Variants in ARHGAP29 observed in about 807,000 individuals in gnomAD.
ARHGAP29 encodes Rho GTPase activating protein 29, also known as rho GTPase-activating protein 29.
In ARHGAP29, 43 loss-of-function variants were observed where a neutral mutation model predicts 122.6. The observed-to-expected ratio is 0.35, with a 90% confidence interval of 0.27 to 0.45. The LOEUF is 0.45. Among genes scored for constraint, ARHGAP29 ranks in the 20% least tolerant of loss-of-function variants. The pLI, the probability that ARHGAP29 is intolerant of heterozygous loss-of-function variation, is 1.00. For synonymous variants in ARHGAP29, 506 were observed against 497.1 expected, an observed-to-expected ratio of 1.02 and a Z score of -0.24; for missense variants, 1,303 against 1,477.2, an observed-to-expected ratio of 0.88 and a Z score of 1.93.
intron 6 of ARHGAP29, 84 bp from the exon 7 acceptor site, chr1:94,205,282 T>C: frequency 1.8e-6 from 2 of 1,108,468 alleles, no homozygotes; most frequent in Non-Finnish European, 1.2e-6. Flanking sequence ...GATCCTAAGA[T>C]ACTAGTCAAT....
At chr1:94,259,776 T>C (rs1051231740) in intron 1 of ARHGAP29, among the ~76,000 whole-genome samples, 5 of 152,174 alleles carry the variant, frequency 3.3e-5, no homozygotes, top group Admixed American at 2.6e-4. Context: ...TTGTGGTAGT[T>C]TGTTAAAGCA....
Position 94,188,865 on chromosome 1 carries a change from T to G in ARHGAP29, c.1653A>C (p.Arg551Ser). The G allele has an allele frequency of 8.1e-6, 13 of 1,613,066 alleles. No homozygotes were observed. The highest frequency in any genetic ancestry group is 1.1e-5 in the Non-Finnish European group (13 of 1,179,248). ...SESTGGSSES[R>S]SLDSESISPG... is the part of the protein sequence containing the mutation. ...GACTTATAGATTCTGAATCCAGAGA[T>G]CTAGATTCGCTGCTCCCTCCAGTGC... The change falls in exon 15 of 23, where the codon AGA (arginine) becomes AGC (serine). Residue 551 changes from arginine to serine, a missense_variant. This residue lies in a region of ARHGAP29 where 592 missense variants were observed against 648.2 expected (regional missense o/e 0.91). Coordinates refer to ENST00000260526, the MANE Select transcript of ARHGAP29 (RefSeq NM_004815.4).
At chr1:94,291,439 T>C in the ARHGAP29 span, among the ~76,000 whole-genome samples, 1 of 152,264 alleles carries the variant, frequency 6.6e-6, no homozygotes, top group African/African-American at 2.4e-5. Flanking sequence ...TTGGGGCATT[T>C]AGCCCATTTA....
At chr1:94,184,723 C>T in intron 18 of ARHGAP29, 149 bp downstream of exon 18, 1 of 653,214 alleles carries the variant, frequency 1.5e-6, no homozygotes, top group Non-Finnish European at 2.4e-6. Context: ...CACTGTACTC[C>T]AGCCTGGGCA....
the ARHGAP29 span, among the ~76,000 whole-genome samples, chr1:94,299,429 G>C: frequency 6.6e-6 from 1 of 152,148 alleles, no homozygotes; most frequent in Non-Finnish European, 1.5e-5. Context: ...TTATGTGAGT[G>C]GCACAGAAAT....
intron 1 of ARHGAP29, among the ~76,000 whole-genome samples, chr1:94,263,395 T>TAAAA (rs35165466): frequency 2.0e-5 from 3 of 148,400 alleles, no homozygotes. Context: ...ACTTAAAAGT[T>TAAAA]AAAAAAAAAA....
At chr1:94,312,053 C>T in the ARHGAP29 span, among the ~76,000 whole-genome samples, 12 of 152,220 alleles carry the variant, frequency 7.9e-5, no homozygotes, top group African/African-American at 2.9e-4. Context: ...ACAAACAACA[C>T]CTTTCTCCTA....
chr1:94,237,591 G>C (rs1269943159), upstream of ARHGAP29: 4 of 989,118 alleles, frequency 4.0e-6, no homozygotes, highest in Middle Eastern at 5.1e-4. Context: ...CACTGCAGCC[G>C]CCACCGCCCC....
Position 94,172,662 on chromosome 1 carries a change from A to T in ARHGAP29, c.*1207T>A, listed in dbSNP as rs1448350637. 6.6e-6 allele frequency: 1 copy of T among 151,788 alleles called. No homozygotes were observed. Among genetic ancestry groups the T allele is most frequent in the African/African-American group, 2.4e-5 (1 of 41,338 alleles). The allele number at this position is 151,788 out of a possible 1,614,324, so 9.4% of individuals were successfully genotyped here. A position where few individuals can be genotyped will look rare whatever the true frequency, so the allele number is the denominator to read the frequency against. Reference sequence around the variant, plus strand: ...AAGTATAACACAGTCATACAAAAACATTTAGTAGAAATATAATTCACACAT... The same window carrying T: ...AAGTATAACACAGTCATACAAAAACTTTTAGTAGAAATATAATTCACACAT... On this transcript the variant is annotated 3_prime_UTR_variant, in exon 23 of 23. Transcript: ENST00000260526.
At chr1:94,232,475 TA>T (rs1652979007) in intron 1 of ARHGAP29, among the ~76,000 whole-genome samples, 1 of 152,194 alleles carries the variant, frequency 6.6e-6, no homozygotes, top group South Asian at 2.1e-4. Context: ...ACTGGTTAAA[TA>T]AACACGTGTG....
At chr1:94,189,013 C>T in intron 14 of ARHGAP29, 72 bp from the exon 15 acceptor site, 1 of 1,450,956 alleles carries the variant, frequency 6.9e-7, no homozygotes, top group Non-Finnish European at 9.5e-7. Context: ...GACATTCTAT[C>T]AAGTGAGACA....
upstream of ARHGAP29, among the ~76,000 whole-genome samples, chr1:94,278,388 T>C (rs1655255902): frequency 1.3e-5 from 2 of 152,350 alleles, no homozygotes; most frequent in African/African-American, 4.8e-5. Flanking sequence ...TATTTCTGCA[T>C]ACTGATAACA....
chr1:94,242,364 A>AT (rs536435104), upstream of ARHGAP29, among the ~76,000 whole-genome samples: 1 of 152,120 alleles, frequency 6.6e-6, no homozygotes, highest in Non-Finnish European at 1.5e-5. Context: ...ACATTTTATA[A>AT]TTTTTTTAAA....
At chr1:94,291,169 G>A in the ARHGAP29 span, among the ~76,000 whole-genome samples, 4 of 152,190 alleles carry the variant, frequency 2.6e-5, no homozygotes, top group Admixed American at 6.5e-5. Flanking sequence ...TTACCATTAT[G>A]TAATGGCCTT....
At position 94,215,807 on chromosome 1, in the gene ARHGAP29, TAATC is replaced by T. The variant is rs1651925420; in HGVS notation, c.340+4447_340+4450del. Among the ~76,000 whole-genome samples the T allele has an allele frequency of 4.6e-5, 7 of 152,240 alleles. No individual in the cohort carries two copies. In the South Asian group the frequency reaches 1.4e-3, roughly 32 times the overall value. On this transcript the variant is annotated intron_variant, in intron 3 of 22. Coordinates refer to ENST00000260526, the MANE Select transcript of ARHGAP29 (RefSeq NM_004815.4). ...TGAAGTAAAAAAAATTTTTCAACAT[TAATC>T]AAAGACTAAAGGCTAATTTTACTTA...
At chr1:94,275,185 G>A (rs1018822282), upstream of ARHGAP29, 3 of 152,360 alleles carry the variant, frequency 2.0e-5, no homozygotes, top group South Asian at 2.1e-4. Context: ...AGCTCCACAA[G>A]TGTGTCTGGT....
chr1:94,239,624 G>A (rs528678923), upstream of ARHGAP29, among the ~76,000 whole-genome samples: 2 of 152,108 alleles, frequency 1.3e-5, no homozygotes, highest in East Asian at 3.9e-4. Flanking sequence ...AGGGGAAGCA[G>A]AGAAAGAAAA....
chr1:94,267,425 A>G (rs1051370242), intron 1 of ARHGAP29, among the ~76,000 whole-genome samples: 4 of 152,110 alleles, frequency 2.6e-5, no homozygotes, highest in Admixed American at 2.6e-4. Context: ...GTCAAATCCT[A>G]TTTTCATTTT....
the ARHGAP29 span, among the ~76,000 whole-genome samples, chr1:94,304,786 G>A: frequency 6.6e-6 from 1 of 152,158 alleles, no homozygotes; most frequent in Non-Finnish European, 1.5e-5. Flanking sequence ...TTTAAGAAAA[G>A]CATGTATTAT....
Sources: allele counts gnomAD v4.1 joint callset (sites outside exome capture counted in the v4.1 genomes callset), GRCh38; gene constraint gnomAD v4.1.1; regional missense constraint gnomAD v4.1.1; transcripts MANE v1.5; gene names NCBI Gene and HGNC (gene_info 2026-07-23, HGNC 2026-07-21).